TRMT44: variants seen among roughly 807,000 people sequenced by gnomAD.
TRMT44 encodes the protein tRNA methyltransferase 44 homolog.
In TRMT44, 78 loss-of-function variants were observed where a neutral mutation model predicts 77.3. That is an observed-to-expected ratio of 1.01 (90% CI 0.84 to 1.22). The LOEUF (loss-of-function observed/expected upper bound fraction) is 1.22, where lower values mean the gene tolerates loss of function less well. Ranked by LOEUF, TRMT44 falls within the 50% of genes most tolerant of loss-of-function variation. TRMT44 has a pLI of 0.00. For missense variants in TRMT44, 1,090 were observed against 964.4 expected (o/e 1.13, Z -1.73); for synonymous variants, 391 against 383.3 (o/e 1.02, Z -0.23).
At chr4:8,454,884 T>C in intron 6 of TRMT44, 71 bp downstream of exon 6, 1 of 1,371,096 alleles carries the variant, frequency 7.3e-7, no homozygotes, top group Non-Finnish European at 1.0e-6. Context: ...CTGTAATGAA[T>C]GTGTCTCTTT....
the TRMT44 span, among the ~76,000 whole-genome samples, chr4:8,514,552 C>T: frequency 1.3e-5 from 2 of 152,182 alleles, no homozygotes; most frequent in Admixed American, 1.3e-4. Context: ...GCTGGGATGA[C>T]AGATGTGAGC....
rs143383605 is a variant in TRMT44, at chr4:8,461,823, G to A, written c.1204-2162G>A. On this transcript the variant is annotated intron_variant, in intron 6 of 10. Transcript: ENST00000389737. The surrounding 1 kb of genome is among the most constrained non-coding windows in gnomAD (Gnocchi z 4.6). ...GCATGGCCAGAATGAGGGTGGTTCC[G>A]TTGACGTGCACATGGTGTTTGTGGA... Among the ~76,000 whole-genome samples, 436 of 152,272 alleles carry A rather than the reference G, an allele frequency of 2.9e-3. No individual in the cohort carries two copies. Among genetic ancestry groups the A allele is most frequent in the African/African-American group, 9.4e-3 (390 of 41,558 alleles).
rs770049002 is a variant in TRMT44, at chr4:8,475,846, CAG to C, written c.2123_2124del (p.Arg708ThrfsTer4). 27 of 1,614,082 alleles carry C rather than the reference CAG, an allele frequency of 1.7e-5. No homozygotes were observed. In the South Asian group the frequency reaches 2.4e-4, roughly 14 times the overall value. On this transcript the variant is annotated frameshift_variant, in exon 11 of 11. Coordinates refer to ENST00000389737, the MANE Select transcript of TRMT44 (RefSeq NM_152544.3). LOFTEE classifies it low-confidence loss of function (END_TRUNC). The stretch of plus-strand genomic sequence containing the variant: ...GAAGACAAAGCAACCGGAAGCGAAA[CAG>C]AGACTGCTCTCTGAAGCCTGCAAAA... Reference protein sequence around the residue: ...LWKTKQPEAKQRLLSEACKTR... With the variant: ...LWKTKQPEAKXRLLSEACKTR...
chr4:8,460,849 C>A (rs1726108033), intron 6 of TRMT44, among the ~76,000 whole-genome samples: 2 of 151,620 alleles, frequency 1.3e-5, no homozygotes. Context: ...CCACACGCAG[C>A]CCCCCTTTTA....
At position 8,450,522 on chromosome 4, in the gene TRMT44, T is replaced by C. The variant is rs77705788; in HGVS notation, c.954+634T>C. ...TAAGAAAATATGTGAAAAGTTAAAA[T>C]ACAAAAGAGCAGTTCCCAAAAGGAG... On this transcript the variant is annotated intron_variant, in intron 3 of 10. Coordinates refer to ENST00000389737, the MANE Select transcript of TRMT44 (RefSeq NM_152544.3). Among the ~76,000 whole-genome samples the C allele has an allele frequency of 5.9e-4, 90 of 152,198 alleles. 3 individuals are homozygous for C. The East Asian group carries it at 0.015, about 25-fold the overall frequency.
Position 8,476,148 on chromosome 4 carries a change from T to A in TRMT44, c.*147T>A. Reference sequence around the variant, plus strand: ...TCCACATCCTCACAGTGATGAACCGTATTTCATAAACATCACACGCCAGAG... The same window carrying A: ...TCCACATCCTCACAGTGATGAACCGAATTTCATAAACATCACACGCCAGAG... On this transcript the variant is annotated 3_prime_UTR_variant, in exon 11 of 11. Transcript: ENST00000389737. The A allele has an allele frequency of 1.4e-6, 1 of 714,540 alleles. No homozygotes were observed. Among genetic ancestry groups the A allele is most frequent in the Non-Finnish European group, 2.3e-6 (1 of 436,242 alleles). The allele number at this position is 714,540 out of a possible 1,614,324, so 44.3% of individuals were successfully genotyped here.
intron 5 of TRMT44, 52 bp from the exon 6 acceptor site, chr4:8,454,690 T>C: frequency 4.5e-6 from 7 of 1,563,064 alleles, no homozygotes; most frequent in Non-Finnish European, 6.2e-6. Context: ...TCTTGCTAAC[T>C]TATTATGAAG....
In TRMT44 at chr4:8,465,468, G is replaced by A. The variant is rs1726473018; in HGVS notation, c.1401G>A (p.Gln467=). The A allele has an allele frequency of 6.2e-7, 1 of 1,614,186 alleles. No individual in the cohort carries two copies. The highest frequency in any genetic ancestry group is 1.7e-5 in the Admixed American group (1 of 60,024). ...RYSRRQSKKT[Q]YREYLDFIKE... ...CCCGGAGGCAGAGTAAGAAGACTCA[G>A]TACCGGGAATACCTTGACTTCATTA... is the stretch of plus-strand genomic sequence containing the variant. The change falls in exon 8 of 11, where the codon CAG becomes CAA. Residue 467 remains glutamine, a synonymous_variant. Transcript: ENST00000389737.
chr4:8,488,710 A>G (rs1178844376), intron 2 of TRMT44, among the ~76,000 whole-genome samples: 1 of 152,164 alleles, frequency 6.6e-6, no homozygotes, highest in Non-Finnish European at 1.5e-5. Flanking sequence ...AGGCCTGACA[A>G]CCCCAAGCTC....
chr4:8,470,083 C>G (rs1040559587), intron 9 of TRMT44, among the ~76,000 whole-genome samples: 1 of 152,252 alleles, frequency 6.6e-6, no homozygotes, highest in Non-Finnish European at 1.5e-5. Flanking sequence ...GTGTGAGATT[C>G]CCTGTTATGG....
chr4:8,495,914 A>G (rs1233242011), downstream of TRMT44, among the ~76,000 whole-genome samples: 4 of 152,094 alleles, frequency 2.6e-5, no homozygotes, highest in African/African-American at 9.7e-5. Flanking sequence ...CTCTCCCACA[A>G]CCAATCAGAC....
downstream of TRMT44, chr4:8,477,984 G>A (rs1277478151): frequency 6.5e-6 from 1 of 152,920 alleles, no homozygotes; most frequent in Non-Finnish European, 1.5e-5. Flanking sequence ...GGCCTCCCAA[G>A]GTGTCCCCCA....
rs780314671 is a variant in TRMT44 at position 8,475,946 on chromosome 4, A to G, written c.2219A>G (p.His740Arg). 3.3e-5 allele frequency: 54 copies of G among 1,614,130 alleles called. No homozygotes were observed. The highest frequency in any genetic ancestry group is 4.3e-5 in the Non-Finnish European group (51 of 1,180,040). ...ALSTDCCPFA[H>R]GPAELRPPRT... ...TCCACGGACTGCTGCCCGTTTGCCC[A>G]TGGGCCTGCGGAGCTGCGGCCACCC... The change falls in exon 11 of 11, where the codon CAT (histidine) becomes CGT (arginine). Residue 740 changes from histidine (H) to arginine (R), a missense_variant. By Grantham distance (29) the His-to-Arg change is conservative (BLOSUM62 0). Transcript: ENST00000389737.
the TRMT44 span, among the ~76,000 whole-genome samples, chr4:8,514,896 G>C: frequency 6.6e-6 from 1 of 152,220 alleles, no homozygotes; most frequent in South Asian, 2.1e-4. Flanking sequence ...AGGAGACAGG[G>C]TGTGGAGCCG....
chr4:8,468,307 A>G lies in TRMT44; in HGVS notation c.1888A>G (p.Ser630Gly), dbSNP rs1268670474. The G allele has an allele frequency of 1.9e-6, 3 of 1,614,070 alleles. No homozygotes were observed. The highest frequency in any genetic ancestry group is 3.3e-5 in the Admixed American group (2 of 60,006). ...LLGGKQLNTR[S>G]SRNGSLKTWN... ...AGGTGGAAAGCAATTAAACACAAGA[A>G]GTTCTCGAAATGGGAGTTTGAAGAC... The change falls in exon 9 of 11, where the codon AGT (serine) becomes GGT (glycine). Residue 630 changes from serine to glycine, a missense_variant. Coordinates refer to ENST00000389737, the MANE Select transcript of TRMT44 (RefSeq NM_152544.3).
At chr4:8,454,865 T>A (rs1725700258) in intron 6 of TRMT44, 52 bp downstream of exon 6, 1 of 1,520,152 alleles carries the variant, frequency 6.6e-7, no homozygotes, top group Non-Finnish European at 9.1e-7. Flanking sequence ...TAGCTCCCAG[T>A]GGGAATTGCT....
intron 6 of TRMT44, among the ~76,000 whole-genome samples, chr4:8,462,200 C>T (rs987953795): frequency 3.3e-5 from 5 of 151,800 alleles, no homozygotes; most frequent in African/African-American, 9.7e-5. Flanking sequence ...CACCTGAGGT[C>T]GGGAGTTCAA....
chr4:8,490,402 G>C (rs1366570759), intron 2 of TRMT44, among the ~76,000 whole-genome samples: 1 of 152,044 alleles, frequency 6.6e-6, no homozygotes, highest in Non-Finnish European at 1.5e-5. Flanking sequence ...TGGATTCGTG[G>C]TCTCGCTGGC....
rs912662089 is a variant in TRMT44, at chr4:8,457,510, C to G, written c.1203+2697C>G. Among the ~76,000 whole-genome samples, 4 of 152,204 alleles carry G rather than the reference C, an allele frequency of 2.6e-5. No homozygotes were observed. The East Asian group carries it at 5.8e-4, about 22-fold the overall frequency. ...CTGCTTGACCCCAAACACAGCTTCT[C>G]TTTTCAGCCTCTAGATCAGAGAGTT... On this transcript the variant is annotated intron_variant, in intron 6 of 10. Coordinates refer to ENST00000389737, the MANE Select transcript of TRMT44 (RefSeq NM_152544.3).
Sources: allele counts gnomAD v4.1 joint callset (sites outside exome capture counted in the v4.1 genomes callset), GRCh38; gene constraint gnomAD v4.1.1; non-coding constraint Gnocchi (gnomAD v3.1); transcripts MANE v1.5; gene names NCBI Gene and HGNC (gene_info 2026-07-23, HGNC 2026-07-21).